The following PEBP4 variants were observed in gnomAD, a reference collection of about 807,000 sequenced individuals.
The protein encoded by PEBP4 is phosphatidylethanolamine binding protein 4, also known as phosphatidylethanolamine-binding protein 4.
Under a neutral mutation model 23.9 loss-of-function variants are expected in PEBP4, and 22 were observed. The ratio of observed to expected loss-of-function variants is 0.92; its 90% CI spans 0.66 to 1.31. The LOEUF (loss-of-function observed/expected upper bound fraction) is 1.31. Among genes scored for constraint, PEBP4 ranks in the 40% most tolerant of loss-of-function variants. The pLI is 0.00. For synonymous variants in PEBP4, 112 were observed against 99.3 expected (o/e 1.13, Z -0.76); for missense variants, 324 against 281.7 (o/e 1.15, Z -1.07).
intron 3 of PEBP4, among the ~76,000 whole-genome samples, chr8:22,866,375 G>A (rs1454792131): frequency 1.3e-5 from 2 of 152,174 alleles, no homozygotes; most frequent in Admixed American, 6.5e-5. Flanking sequence ...AGACGCTGAG[G>A]ACAGAGAGAT....
chr8:22,751,569 T>G lies in PEBP4; in HGVS notation c.358-24349A>C, dbSNP rs191183905. 9.6e-4 allele frequency among the ~76,000 whole-genome samples: 146 copies of G among 151,346 alleles called. 2 individuals carry two copies. The East Asian group carries it at 0.021, about 21-fold the overall frequency. On this transcript the variant is annotated intron_variant, in intron 4 of 6. Coordinates refer to ENST00000256404, the MANE Select transcript of PEBP4 (RefSeq NM_144962.3). ...GCTGCTGAAACAGGAGGCTTTGACT[T>G]GGATAAGGAGGAGTGTGTCTGTGTG...
At chr8:22,849,552 T>G (rs1302492636) in intron 3 of PEBP4, among the ~76,000 whole-genome samples, 1 of 152,240 alleles carries the variant, frequency 6.6e-6, no homozygotes, top group Non-Finnish European at 1.5e-5. Flanking sequence ...TAGCACCTTC[T>G]GACCCAGACG....
At chr8:22,848,900 A>C (rs1235006455) in intron 3 of PEBP4, among the ~76,000 whole-genome samples, 2 of 152,244 alleles carry the variant, frequency 1.3e-5, no homozygotes, top group African/African-American at 2.4e-5. Context: ...AACTCTTCTC[A>C]GAAGCACTAG....
intron 2 of PEBP4, among the ~76,000 whole-genome samples, chr8:22,921,673 G>A (rs950687668): frequency 1.3e-5 from 2 of 152,240 alleles, no homozygotes; most frequent in Non-Finnish European, 2.9e-5. Flanking sequence ...AGTGGAAGCC[G>A]GATGAGTCAT....
intron 4 of PEBP4, among the ~76,000 whole-genome samples, chr8:22,792,860 G>A (rs1320943295): frequency 1.3e-5 from 2 of 152,108 alleles, no homozygotes; most frequent in African/African-American, 2.4e-5. Context: ...GTGGCTCTCA[G>A]CAGAAGTGAA....
intron 4 of PEBP4, among the ~76,000 whole-genome samples, chr8:22,810,669 G>T (rs975265318): frequency 7.7e-6 from 1 of 129,130 alleles, no homozygotes; most frequent in Non-Finnish European, 1.6e-5. Flanking sequence ...CTCATGGAGG[G>T]GTGTGTGTGT....
rs140008761 is a variant in PEBP4 at position 22,938,936 on chromosome 8, T to G, written c.145-11216A>C. 4.4e-3 allele frequency among the ~76,000 whole-genome samples: 668 copies of G among 152,374 alleles called. 4 individuals are homozygous for G. Among genetic ancestry groups the G allele is most frequent in the Non-Finnish European group, 7.1e-3 (481 of 68,040 alleles). On this transcript the variant is annotated intron_variant, in intron 1 of 1. Coordinates refer to the PEBP4 transcript ENST00000522278. ...ACCGTATGCTGTAAAGGAACTATTC[T>G]GACCTTTGGTTGTCCTACTTAGAGA...
intron 1 of PEBP4, among the ~76,000 whole-genome samples, chr8:22,936,763 G>A (rs1385220720): frequency 6.6e-6 from 1 of 152,152 alleles, no homozygotes; most frequent in Non-Finnish European, 1.5e-5. Context: ...GCATAACCAA[G>A]TGAGATTTAT....
At chr8:22,733,691 C>A (rs564058668) in intron 4 of PEBP4, among the ~76,000 whole-genome samples, 4 of 151,870 alleles carry the variant, frequency 2.6e-5, no homozygotes, top group Non-Finnish European at 5.9e-5. Context: ...TTCCCATTTG[C>A]ACAGGAGGAT....
intron 3 of PEBP4, among the ~76,000 whole-genome samples, chr8:22,842,974 C>A (rs1432347199): frequency 1.3e-5 from 2 of 152,162 alleles, no homozygotes; most frequent in Non-Finnish European, 2.9e-5. Flanking sequence ...ATTACAGGCG[C>A]CCGCCAACAC....
chr8:22,802,689 G>A (rs1806410948), intron 4 of PEBP4, among the ~76,000 whole-genome samples: 2 of 152,206 alleles, frequency 1.3e-5, no homozygotes, highest in Non-Finnish European at 1.5e-5. Context: ...TCTCATCGGT[G>A]TTCCAAGACG....
chr8:22,862,264 G>A (rs1807792363), intron 3 of PEBP4, among the ~76,000 whole-genome samples: 1 of 152,070 alleles, frequency 6.6e-6, no homozygotes, highest in South Asian at 2.1e-4. Context: ...GCTGGAATTA[G>A]TACCCCCATG....
At chr8:22,789,565 T>A (rs1806096009) in intron 4 of PEBP4, among the ~76,000 whole-genome samples, 1 of 152,124 alleles carries the variant, frequency 6.6e-6, no homozygotes, top group South Asian at 2.1e-4. Context: ...TCTGAAGACC[T>A]ATGCAGCTCA....
chr8:22,727,496 C>T (rs1021703396), intron 4 of PEBP4, among the ~76,000 whole-genome samples: 1 of 152,062 alleles, frequency 6.6e-6, no homozygotes, highest in Non-Finnish European at 1.5e-5. Context: ...CAAATGGACA[C>T]CTTCCCTCTA....
upstream of PEBP4, chr8:22,927,999 CTGG>C: frequency 2.6e-6 from 1 of 392,040 alleles, no homozygotes; most frequent in South Asian, 2.9e-5. Context: ...CACTCTTGTC[CTGG>C]CTGCCAGGGC....
upstream of PEBP4, among the ~76,000 whole-genome samples, chr8:22,928,123 C>T (rs953333840): frequency 6.6e-5 from 10 of 152,246 alleles, no homozygotes; most frequent in Admixed American, 6.5e-4. Context: ...CCAGCCTGCT[C>T]CTTGGCTGTA....
At chr8:22,808,316 T>C (rs181121355) in intron 4 of PEBP4, among the ~76,000 whole-genome samples, 23 of 152,340 alleles carry the variant, frequency 1.5e-4, no homozygotes, top group African/African-American at 5.3e-4. Flanking sequence ...CATCTATCCC[T>C]CTATCCATTC....
At chr8:22,744,706 TC>T (rs1178645909) in intron 4 of PEBP4, 1 of 152,272 alleles carries the variant, frequency 6.6e-6, no homozygotes, top group Non-Finnish European at 1.5e-5. Context: ...AGCTCCTACA[TC>T]CTTGGATGGG....
chr8:22,713,579 C>G, intron 6 of PEBP4, 43 bp from the exon 7 acceptor site: 1 of 1,613,234 alleles, frequency 6.2e-7, no homozygotes, highest in Non-Finnish European at 8.5e-7. Context: ...GAGAAAGAGC[C>G]ATGGACTTGA....
Sources: allele counts gnomAD v4.1 joint callset (sites outside exome capture counted in the v4.1 genomes callset), GRCh38; gene constraint gnomAD v4.1.1; transcripts MANE v1.5; gene names NCBI Gene and HGNC (gene_info 2026-07-23, HGNC 2026-07-21).